The following CSMD1 variants were observed in gnomAD, a reference collection of about 807,000 sequenced individuals.
The protein encoded by CSMD1 is CUB and Sushi multiple domains 1.
In CSMD1, 213 loss-of-function variants were observed where a neutral mutation model predicts 417.5. The ratio of observed to expected loss-of-function variants is 0.51; its 90% CI spans 0.46 to 0.57. CSMD1 has a LOEUF of 0.57. Among genes scored for constraint, CSMD1 ranks in the 20% least tolerant of loss-of-function variants. The pLI is 0.00. For missense variants in CSMD1, 6,923 were observed against 4,529.7 expected (o/e 1.53, Z -15.17); for synonymous variants, 2,862 against 1,736.8 (o/e 1.65, Z -16.11).
intron 51 of CSMD1, among the ~76,000 whole-genome samples, chr8:3,019,633 G>C (rs1191829368): frequency 6.6e-6 from 1 of 152,188 alleles, no homozygotes; most frequent in Non-Finnish European, 1.5e-5. Flanking sequence ...ACCTTAACTG[G>C]GTGTCGATGG....
At chr8:4,755,305 C>A (rs532316804) in intron 1 of CSMD1, among the ~76,000 whole-genome samples, 1 of 152,116 alleles carries the variant, frequency 6.6e-6, no homozygotes, top group South Asian at 2.1e-4. Context: ...TTCTTTATAG[C>A]ACTTGACAAT....
chr8:4,147,097 T>C (rs1189475652), intron 3 of CSMD1, among the ~76,000 whole-genome samples: 1 of 151,892 alleles, frequency 6.6e-6, no homozygotes, highest in Non-Finnish European at 1.5e-5. Context: ...CAATGACTGT[T>C]TAGAACCATC....
intron 6 of CSMD1, among the ~76,000 whole-genome samples, chr8:3,738,507 G>A (rs1420807228): frequency 6.6e-6 from 1 of 152,180 alleles, no homozygotes; most frequent in African/African-American, 2.4e-5. Flanking sequence ...TGATCCTGGT[G>A]ATCAGAAATG....
intron 3 of CSMD1, among the ~76,000 whole-genome samples, chr8:4,150,113 T>A (rs1465266312): frequency 6.6e-6 from 1 of 152,216 alleles, no homozygotes; most frequent in African/African-American, 2.4e-5. Flanking sequence ...GAGTGTATTT[T>A]CCACATTGTG....
chr8:3,751,322 G>C (rs1379119846), intron 6 of CSMD1, among the ~76,000 whole-genome samples: 2 of 145,930 alleles, frequency 1.4e-5, no homozygotes, highest in African/African-American at 2.5e-5. Flanking sequence ...GTGTGTGTGT[G>C]TGTGTATATA....
intron 1 of CSMD1, among the ~76,000 whole-genome samples, chr8:4,698,161 C>T (rs1453208378): frequency 1.4e-5 from 2 of 141,534 alleles, no homozygotes; most frequent in African/African-American, 5.3e-5. Context: ...TGGAATTGAA[C>T]ATAATATTAT....
chr8:3,575,928 G>A (rs887459581), intron 9 of CSMD1, among the ~76,000 whole-genome samples: 1 of 151,680 alleles, frequency 6.6e-6, no homozygotes, highest in Admixed American at 6.6e-5. Flanking sequence ...AATTTAAACT[G>A]GGTTTCAGAA....
At chr8:4,536,648 C>T (rs922150261) in intron 2 of CSMD1, among the ~76,000 whole-genome samples, 2 of 152,110 alleles carry the variant, frequency 1.3e-5, no homozygotes, top group Non-Finnish European at 2.9e-5. Flanking sequence ...TTATTTATTC[C>T]TTTATTTGTA....
intron 23 of CSMD1, among the ~76,000 whole-genome samples, chr8:3,335,509 C>G (rs1231021511): frequency 6.6e-6 from 1 of 152,094 alleles, no homozygotes; most frequent in Non-Finnish European, 1.5e-5. Flanking sequence ...GAAACTCCGT[C>G]TCTACTAAAA....
Position 3,838,834 on chromosome 8 carries a change from A to G in CSMD1, c.819-84792T>C, listed in dbSNP as rs1257619819. Among the ~76,000 whole-genome samples, 39 of 122,704 alleles carry G rather than the reference A, an allele frequency of 3.2e-4. 6 individuals carry two copies. The South Asian group carries it at 3.3e-3, about 10-fold the overall frequency. 80.5% of individuals were successfully genotyped at this position (122,704 alleles called of 152,430 possible). A position where few individuals can be genotyped will look rare whatever the true frequency, so the allele number is the denominator to read the frequency against. On this transcript the variant is annotated intron_variant, in intron 5 of 69. Transcript: ENST00000635120. ...ATTATATATACTATTAATATATAATATTAATTATATATACTATTATATATA... is the reference window on the plus strand; with the variant it reads ...ATTATATATACTATTAATATATAATGTTAATTATATATACTATTATATATA...
At chr8:3,793,550 C>T (rs1442302439) in intron 5 of CSMD1, among the ~76,000 whole-genome samples, 1 of 151,510 alleles carries the variant, frequency 6.6e-6, no homozygotes, top group Non-Finnish European at 1.5e-5. Flanking sequence ...CCACATGACA[C>T]CCCCTCCTCC....
chr8:3,344,773 C>G (rs1225847500), intron 22 of CSMD1, among the ~76,000 whole-genome samples: 2 of 152,094 alleles, frequency 1.3e-5, no homozygotes, highest in Non-Finnish European at 2.9e-5. Context: ...GGGATGTACA[C>G]AGATATAGAT....
rs532355513 is a variant in CSMD1 at position 4,488,199 on chromosome 8, T to C, written c.303-68134A>G. The stretch of plus-strand genomic sequence containing the variant: ...AACTGTGAGAAATAAGTTTATGTTG[T>C]TTATAATCCAACAACTTAATGGTAT... On this transcript the variant is annotated intron_variant, in intron 2 of 69. Coordinates refer to ENST00000635120, the MANE Select transcript of CSMD1 (RefSeq NM_033225.6). Among the ~76,000 whole-genome samples, 282 of 152,286 alleles carry C rather than the reference T, an allele frequency of 1.9e-3. 2 individuals carry two copies. The highest frequency in any genetic ancestry group is 0.018 in the Admixed American group (271 of 15,290).
intron 7 of CSMD1, among the ~76,000 whole-genome samples, chr8:3,629,757 C>G (rs1283452042): frequency 6.6e-6 from 1 of 152,108 alleles, no homozygotes; most frequent in African/African-American, 2.4e-5. Context: ...AAACACACAC[C>G]TTTCATTTCA....
At chr8:3,774,154 G>A (rs1263815497) in intron 5 of CSMD1, among the ~76,000 whole-genome samples, 1 of 152,128 alleles carries the variant, frequency 6.6e-6, no homozygotes, top group Non-Finnish European at 1.5e-5. Context: ...TGCACAAAGT[G>A]TTATCTAAAG....
intron 7 of CSMD1, among the ~76,000 whole-genome samples, chr8:3,621,350 C>T (rs1020472998): frequency 1.3e-5 from 2 of 151,958 alleles, no homozygotes; most frequent in African/African-American, 2.4e-5. Context: ...TCACTTTAGG[C>T]GTAAGGACAC....
At chr8:3,606,624 A>G (rs937659361) in intron 8 of CSMD1, among the ~76,000 whole-genome samples, 1 of 151,998 alleles carries the variant, frequency 6.6e-6, no homozygotes, top group Non-Finnish European at 1.5e-5. Flanking sequence ...GAAACACTGT[A>G]TCCTTGGGCC....
At chr8:3,378,365 TA>T (rs1287764454) in intron 18 of CSMD1, among the ~76,000 whole-genome samples, 4 of 151,874 alleles carry the variant, frequency 2.6e-5, no homozygotes, top group Non-Finnish European at 5.9e-5. Context: ...TTCCAGACAA[TA>T]AAAAAGAGGG....
In CSMD1 at chr8:3,505,283, T is replaced by C. The variant is rs146622841; in HGVS notation, c.1345-11557A>G. ...ATAAAATGCAGAATTAACATTTACA[T>C]CAATCAACCAAAGATGTGTGGAGTG... On this transcript the variant is annotated intron_variant, in intron 10 of 69. Coordinates refer to ENST00000635120, the MANE Select transcript of CSMD1 (RefSeq NM_033225.6). 6.9e-3 allele frequency among the ~76,000 whole-genome samples: 1,054 copies of C among 152,214 alleles called. 8 individuals carry two copies. The highest frequency in any genetic ancestry group is 0.011 in the Non-Finnish European group (758 of 68,018).
Sources: gnomAD v4.1 joint callset for allele counts (sites outside exome capture counted in the v4.1 genomes callset) on GRCh38, gnomAD v4.1.1 for gene constraint, MANE v1.5 for transcripts, NCBI Gene and HGNC (gene_info 2026-07-23, HGNC 2026-07-21) for gene names.